Variants in DIS3 observed in about 807,000 individuals in gnomAD.
DIS3 encodes the protein DIS3 exosome endoribonuclease and 3'-5' exoribonuclease, also known as exosome complex exonuclease RRP44.
In DIS3, 103 loss-of-function variants were observed where a neutral mutation model predicts 113.0. That is an observed-to-expected ratio of 0.91 (90% CI 0.78 to 1.07). The LOEUF (loss-of-function observed/expected upper bound fraction) is 1.07. Among genes scored for constraint, DIS3 ranks in the 50% least tolerant of loss-of-function variants. The pLI is 0.00. For missense variants in DIS3, 1,121 were observed against 1,167.1 expected (o/e 0.96, Z 0.58); for synonymous variants, 402 against 394.3 (o/e 1.02, Z -0.23).
intron 2 of DIS3, among the ~76,000 whole-genome samples, chr13:72,778,979 A>T (rs796526687): frequency 3.3e-5 from 5 of 152,360 alleles, no homozygotes; most frequent in African/African-American, 1.2e-4. Context: ...AAATCTGTTC[A>T]TCAAAGCCAG....
chr13:72,768,701 C>A, intron 14 of DIS3, 84 bp downstream of exon 14: 2 of 1,091,984 alleles, frequency 1.8e-6, no homozygotes, highest in Non-Finnish European at 1.3e-6. Context: ...TCTATTCACC[C>A]TTTTAAATAA....
chr13:72,762,775 A>G (rs1336984212), intron 16 of DIS3, among the ~76,000 whole-genome samples: 1 of 152,190 alleles, frequency 6.6e-6, no homozygotes, highest in Non-Finnish European at 1.5e-5. Context: ...TGCAATAAAT[A>G]TACTTTTCTT....
chr13:72,762,047 A>G lies in DIS3; in HGVS notation c.2218T>C (p.Leu740=), dbSNP rs918822093. 3.7e-6 allele frequency: 6 copies of G among 1,614,032 alleles called. No individual in the cohort carries two copies. The highest frequency in any genetic ancestry group is 1.7e-5 in the Admixed American group (1 of 60,006). The change falls in exon 17 of 21, where the codon TTG becomes CTG. Residue 740 remains leucine (L), a synonymous_variant. Coordinates refer to ENST00000377767, the MANE Select transcript of DIS3 (RefSeq NM_014953.5). ...ATACAGCGAGTGGCTAATATTCTCA[A>G]CAGAGTGTTTAGATATGGAAAAGTA... is the stretch of plus-strand genomic sequence containing the variant. ...SPTFPYLNTL[L]RILATRCMMQ...
rs1027153264 is a variant in DIS3 at position 72,781,184 on chromosome 13, T to TA, written c.229-182dup. On this transcript the variant is annotated intron_variant, in intron 1 of 20. Coordinates refer to ENST00000377767, the MANE Select transcript of DIS3 (RefSeq NM_014953.5). ...TAGTCACTAAACCCTTCAGATCTATTAAAAAAAGCACACTTAAACAGACCA... is the reference window on the plus strand; with the variant it reads ...TAGTCACTAAACCCTTCAGATCTATTAAAAAAAAGCACACTTAAACAGACCA... 53 of 1,449,268 alleles carry TA rather than the reference T, an allele frequency of 3.7e-5. No individual in the cohort carries two copies. In the East Asian group the frequency reaches 6.4e-4, roughly 18 times the overall value. 89.8% of individuals were successfully genotyped at this position (1,449,268 alleles called of 1,614,324 possible).
chr13:72,772,578 A>C, intron 9 of DIS3, 115 bp downstream of exon 9: 2 of 1,136,098 alleles, frequency 1.8e-6, no homozygotes, highest in South Asian at 3.7e-5. Flanking sequence ...ACCCAACAAA[A>C]TGCAGGAAAA....
intron 19 of DIS3, 133 bp downstream of exon 19, chr13:72,761,230 T>A: frequency 8.7e-7 from 1 of 1,156,064 alleles, no homozygotes; most frequent in Non-Finnish European, 1.2e-6. Context: ...GTAGATTTTC[T>A]GGCATGTATT....
chr13:72,772,738 AG>A lies in DIS3; in HGVS notation c.1340del (p.Ala447ValfsTer18). 1 of 1,613,406 alleles carries A rather than the reference AG, an allele frequency of 6.2e-7. No individual in the cohort carries two copies. The highest frequency in any genetic ancestry group is 2.2e-5 in the East Asian group (1 of 44,836). ...GCATCTTTGGCAGAAAACTAAGAAC[AG>A]CCTGTGAAAAAGGCTGATGGGGAAC... ...HDVPHQPFSQ[A>X]VLSFLPKMPW... On this transcript the variant is annotated frameshift_variant, in exon 9 of 21. Coordinates refer to ENST00000377767, the MANE Select transcript of DIS3 (RefSeq NM_014953.5). LOFTEE classifies it high-confidence loss of function.
At chr13:72,774,109 A>G (rs753688176) in intron 6 of DIS3, 50 bp from the exon 7 acceptor site, 18 of 1,305,960 alleles carry the variant, frequency 1.4e-5, no homozygotes, top group Non-Finnish European at 1.9e-5. Flanking sequence ...AAGTATTATC[A>G]GGCAATTTCC....
intron 8 of DIS3, 68 bp from the exon 9 acceptor site, chr13:72,772,907 C>G: frequency 6.8e-7 from 1 of 1,475,328 alleles, no homozygotes; most frequent in Non-Finnish European, 9.1e-7. Flanking sequence ...ATATTAAATT[C>G]TTCAGCATTT....
chr13:72,781,396 G>C (rs1339703060), intron 1 of DIS3: 2 of 1,539,290 alleles, frequency 1.3e-6, no homozygotes, highest in Non-Finnish European at 1.8e-6. Context: ...AAAATAACGT[G>C]TCTGAACTAC....
chr13:72,781,608 G>A lies in DIS3; in HGVS notation c.225C>T (p.His75=). ...CGCGGTTCGCCCGCCCACGCACCTG[G>A]TGCAGTAACACATTAGTGTCGGGCA... ...YLLPDTNVLL[H]QIDVLEDPAI... is the part of the protein sequence containing the mutation. The change falls in exon 1 of 21, where the codon CAC becomes CAT. Residue 75 remains histidine (H), a synonymous_variant. Transcript: ENST00000377767. 1.3e-6 allele frequency: 2 copies of A among 1,516,716 alleles called. No individual in the cohort carries two copies. The highest frequency in any genetic ancestry group is 1.8e-6 in the Non-Finnish European group (2 of 1,127,998). The allele number at this position is 1,516,716 out of a possible 1,614,324, so 94.0% of individuals were successfully genotyped here.
At chr13:72,760,782 AACAAAGGCC>A in intron 19 of DIS3, 131 bp from the exon 20 acceptor site, 1 of 1,079,732 alleles carries the variant, frequency 9.3e-7, no homozygotes. Flanking sequence ...TGTTCAACAT[AACAAAGGCC>A]ACAAACCTAG....
rs1475470663 is a variant in DIS3 at position 72,758,101 on chromosome 13, T to G, written c.*1694A>C. On this transcript the variant is annotated 3_prime_UTR_variant, in exon 21 of 21. Coordinates refer to ENST00000377767, the MANE Select transcript of DIS3 (RefSeq NM_014953.5). ...GGTGTACCATTTTATATCTTATATA[T>G]ATCTATATATATATTTTTACTGTAC... 4 of 181,306 alleles carry G rather than the reference T, an allele frequency of 2.2e-5. No homozygotes were observed. In the East Asian group the frequency reaches 3.6e-4, roughly 16 times the overall value. 11.2% of individuals were successfully genotyped at this position (181,306 alleles called of 1,614,324 possible). A position where few individuals can be genotyped will look rare whatever the true frequency, so the allele number is the denominator to read the frequency against.
chr13:72,760,681 T>C (rs1452638041), intron 19 of DIS3, 30 bp from the exon 20 acceptor site: 2 of 1,604,406 alleles, frequency 1.2e-6, no homozygotes, highest in Admixed American at 1.7e-5. Context: ...TCATTCTTAA[T>C]TGCTTCCTTA....
intron 6 of DIS3, 29 bp from the exon 7 acceptor site, chr13:72,774,088 T>A (rs1412833747): frequency 6.8e-7 from 1 of 1,467,014 alleles, no homozygotes; most frequent in Admixed American, 2.0e-5. Context: ...AATGTTCAGT[T>A]ATATTCCTCT....
At position 72,756,114 on chromosome 13, in the gene DIS3, C is replaced by T. The variant is rs1400091418; in HGVS notation, c.*3681G>A. On this transcript the variant is annotated 3_prime_UTR_variant, in exon 21 of 21. Coordinates refer to ENST00000377767, the MANE Select transcript of DIS3 (RefSeq NM_014953.5). ...GTATATAACAGTTTGGAAATACTAT[C>T]TTTGGAGAATGTATTTTTGTATTTA... 7.6e-6 allele frequency: 3 copies of T among 395,676 alleles called. No homozygotes were observed. The highest frequency in any genetic ancestry group is 4.1e-5 in the African/African-American group (2 of 48,372). 24.5% of individuals were successfully genotyped at this position (395,676 alleles called of 1,614,324 possible).
In DIS3 at chr13:72,763,494, G is replaced by A. The variant is rs1176301061; in HGVS notation, c.2084C>T (p.Pro695Leu). Residue 695 changes from proline (P) to leucine (L), a missense_variant, in exon 16 of 21, where the codon CCT (proline) becomes CTT (leucine). Coordinates refer to ENST00000377767, the MANE Select transcript of DIS3 (RefSeq NM_014953.5). ...HALLRKHPAP[P>L]PSNYEILVKA... ...AACAAGAATTTCATAATTTGATGGA[G>A]GTGGAGCAGGATGTTTTCGAAGCAG... 2.5e-6 allele frequency: 4 copies of A among 1,613,746 alleles called. No individual in the cohort carries two copies. The highest frequency in any genetic ancestry group is 3.3e-5 in the Admixed American group (2 of 59,956).
At position 72,758,624 on chromosome 13, in the gene DIS3, G is replaced by A. The variant is rs371683402; in HGVS notation, c.*1171C>T. ...TACTCAAGTCTATTTTCCTCCAACT[G>A]ACACAAGTTTCTGCCTCAGTGTATG... On this transcript the variant is annotated 3_prime_UTR_variant, in exon 21 of 21. Coordinates refer to ENST00000377767, the MANE Select transcript of DIS3 (RefSeq NM_014953.5). 6.4e-5 allele frequency: 14 copies of A among 220,152 alleles called. No individual in the cohort carries two copies. Among genetic ancestry groups the A allele is most frequent in the African/African-American group, 3.1e-4 (14 of 44,538 alleles). The allele number at this position is 220,152 out of a possible 1,614,324, so 13.6% of individuals were successfully genotyped here. A position where few individuals can be genotyped will look rare whatever the true frequency, so the allele number is the denominator to read the frequency against.
At chr13:72,772,620 A>C (rs1158157899) in intron 9 of DIS3, 73 bp downstream of exon 9, 12 of 1,483,508 alleles carry the variant, frequency 8.1e-6, no homozygotes, top group Non-Finnish European at 9.9e-6. Flanking sequence ...ATTTAAAAAC[A>C]CATATAGAAA....
Sources: allele counts gnomAD v4.1 joint callset (sites outside exome capture counted in the v4.1 genomes callset), GRCh38; gene constraint gnomAD v4.1.1; transcripts MANE v1.5; gene names NCBI Gene and HGNC (gene_info 2026-07-23, HGNC 2026-07-21).